SNX27: variants seen among roughly 807,000 people sequenced by gnomAD.
The protein encoded by SNX27 is sorting nexin-27.
Under a neutral mutation model 71.6 loss-of-function variants are expected in SNX27, and 22 were observed. That is an observed-to-expected ratio of 0.31 (90% CI 0.22 to 0.44). The LOEUF is 0.44. Ranked by LOEUF, SNX27 falls within the 20% of genes least tolerant of loss-of-function variation. The probability of loss-of-function intolerance (pLI) is 1.00; values close to 1 mark genes in which losing one functional copy is unlikely to be tolerated. For missense variants in SNX27, 531 were observed against 698.6 expected (o/e 0.76, Z 2.70); for synonymous variants, 269 against 277.2 (o/e 0.97, Z 0.29).
chr1:151,678,432 G>A (rs191915483), intron 7 of SNX27: 1 of 152,104 alleles, frequency 6.6e-6, no homozygotes, highest in Admixed American at 6.5e-5. Flanking sequence ...TATATAACAG[G>A]GTTTCCTTCC....
In SNX27 at chr1:151,683,295, G is replaced by A. The variant is rs903693358; in HGVS notation, c.1150-61G>A. ...AAATGCGTCTGTGTCTGTTTTCATCGAGAATGTACATAATAATGATTTTTA... is the reference window on the plus strand; with the variant it reads ...AAATGCGTCTGTGTCTGTTTTCATCAAGAATGTACATAATAATGATTTTTA... On this transcript the variant is annotated intron_variant, in intron 7 of 11. Coordinates refer to ENST00000458013, the MANE Select transcript of SNX27 (RefSeq NM_001330723.2). 1.3e-5 allele frequency: 18 copies of A among 1,363,170 alleles called. No homozygotes were observed. The East Asian group carries it at 1.6e-4, about 12-fold the overall frequency. 84.4% of individuals were successfully genotyped at this position (1,363,170 alleles called of 1,614,324 possible).
intron 7 of SNX27, among the ~76,000 whole-genome samples, chr1:151,670,886 G>A (rs1038088595): frequency 5.9e-5 from 9 of 151,988 alleles, no homozygotes; most frequent in Admixed American, 2.0e-4. Context: ...GAGTTTCCCT[G>A]ATTTTTTCTT....
At chr1:151,655,373 T>C (rs1669635346) in intron 2 of SNX27, among the ~76,000 whole-genome samples, 1 of 152,228 alleles carries the variant, frequency 6.6e-6, no homozygotes, top group Admixed American at 6.5e-5. Context: ...TGCTCCCGGC[T>C]GATAATAGTT....
chr1:151,662,450 G>A (rs756593928), intron 5 of SNX27, 180 bp downstream of exon 5: 9 of 401,312 alleles, frequency 2.2e-5, no homozygotes, highest in Middle Eastern at 7.5e-4. Context: ...AGAAAGGTAC[G>A]GTAAATATCC....
chr1:151,693,997 T>C, intron 11 of SNX27: 1 of 1,221,310 alleles, frequency 8.2e-7, no homozygotes, highest in South Asian at 2.8e-5. Flanking sequence ...AGAAAATCTT[T>C]GAAAGAATCA....
At position 151,686,952 on chromosome 1, in the gene SNX27, T is replaced by C. The variant is rs189771686; in HGVS notation, c.1239+3507T>C. Among the ~76,000 whole-genome samples the C allele has an allele frequency of 3.9e-5, 6 of 152,370 alleles. No homozygotes were observed. In the East Asian group the frequency reaches 1.2e-3, roughly 29 times the overall value. On this transcript the variant is annotated intron_variant, in intron 8 of 11. Transcript: ENST00000458013. ...TAAATAAGCTTTGTGTAAGTTCCCC[T>C]GTCCTCCAAATCTTCAAATACAGAA...
intron 7 of SNX27, among the ~76,000 whole-genome samples, chr1:151,673,751 A>G (rs1216267298): frequency 6.6e-6 from 1 of 152,170 alleles, no homozygotes; most frequent in Non-Finnish European, 1.5e-5. Context: ...AAATTGTTAC[A>G]TCCTCTTGCT....
At position 151,612,270 on chromosome 1, in the gene SNX27, CG is replaced by C; in HGVS notation, c.75del (p.Ser26LeufsTer36). On this transcript the variant is annotated frameshift_variant, in exon 1 of 12. Coordinates refer to ENST00000458013, the MANE Select transcript of SNX27 (RefSeq NM_001330723.2). LOFTEE classifies it high-confidence loss of function. The surrounding 1 kb of genome is among the most constrained non-coding windows in gnomAD (Gnocchi z 5.2). Reference protein sequence around the residue: ...PHRNGGGGGGGGSGLHCAGNG... With the variant: ...PHRNGGGGGGXGSGLHCAGNG... ...ACAGGAACGGAGGTGGCGGCGGCGG[CG>C]GGGGGTCTGGGCTCCACTGCGCCGG... The C allele has an allele frequency of 9.7e-6, 14 of 1,450,170 alleles. No homozygotes were observed. Among genetic ancestry groups the C allele is most frequent in the Admixed American group, 6.0e-5 (2 of 33,376 alleles). The allele number at this position is 1,450,170 out of a possible 1,614,324, so 89.8% of individuals were successfully genotyped here.
In SNX27 at chr1:151,647,958, G is replaced by A. The variant is rs915476112; in HGVS notation, c.543+8839G>A. ...TGTAAAGGCATTAAGATGTGTGTTT[G>A]TTGAGAAAAAATAAATTTGTGCATT... On this transcript the variant is annotated intron_variant, in intron 2 of 11. Transcript: ENST00000458013. 5.3e-5 allele frequency among the ~76,000 whole-genome samples: 8 copies of A among 151,794 alleles called. No homozygotes were observed. In the East Asian group the frequency reaches 1.5e-3, roughly 29 times the overall value.
intron 2 of SNX27, among the ~76,000 whole-genome samples, chr1:151,641,440 C>T (rs185241278): frequency 5.3e-5 from 8 of 151,600 alleles, no homozygotes; most frequent in Admixed American, 5.3e-4. Flanking sequence ...CCTAATGACT[C>T]ATGATGATGA....
rs1469834377 is a variant in SNX27 at position 151,697,107 on chromosome 1, A to T, written c.*2690A>T. 9 of 152,232 alleles carry T rather than the reference A, an allele frequency of 5.9e-5. No homozygotes were observed. Among genetic ancestry groups the T allele is most frequent in the African/African-American group, 2.2e-4 (9 of 41,450 alleles). 9.4% of individuals were successfully genotyped at this position (152,232 alleles called of 1,614,324 possible). A position where few individuals can be genotyped will look rare whatever the true frequency, so the allele number is the denominator to read the frequency against. On this transcript the variant is annotated 3_prime_UTR_variant, in exon 12 of 12. Transcript: ENST00000458013. ...GAGAATGCTGAATGTGTAAAGTTGC[A>T]GAGGGATCCCTAATTTGAAGACTTT... is the stretch of plus-strand genomic sequence containing the variant.
At chr1:151,643,308 ATTTT>A (rs1467561304) in intron 2 of SNX27, among the ~76,000 whole-genome samples, 1 of 145,872 alleles carries the variant, frequency 6.9e-6, no homozygotes, top group Non-Finnish European at 1.5e-5. Flanking sequence ...TTATTTATTT[ATTTT>A]GAGACGGAGT....
At position 151,668,339 on chromosome 1, in the gene SNX27, ACTC is replaced by A. The variant is rs908095284; in HGVS notation, c.986-130_986-128del. Reference sequence around the variant, plus strand: ...GGCTGTTTTGTGCTCCCAAGGCAGAACTCCTTGGTGGATTTGAGATGATGTTCT... The same window carrying A: ...GGCTGTTTTGTGCTCCCAAGGCAGAACTTGGTGGATTTGAGATGATGTTCT... On this transcript the variant is annotated intron_variant, in intron 6 of 11. Transcript: ENST00000458013. 23 of 792,970 alleles carry A rather than the reference ACTC, an allele frequency of 2.9e-5. No homozygotes were observed. The African/African-American group carries it at 4.1e-4, about 14-fold the overall frequency. 49.1% of individuals were successfully genotyped at this position (792,970 alleles called of 1,614,324 possible).
At chr1:151,673,148 T>C (rs1258603490) in intron 7 of SNX27, among the ~76,000 whole-genome samples, 1 of 152,034 alleles carries the variant, frequency 6.6e-6, no homozygotes, top group Non-Finnish European at 1.5e-5. Flanking sequence ...ATCCCATAGG[T>C]TTTGGCATGT....
intron 7 of SNX27, among the ~76,000 whole-genome samples, chr1:151,681,786 T>C (rs1231760573): frequency 6.6e-6 from 1 of 152,192 alleles, no homozygotes; most frequent in East Asian, 1.9e-4. Flanking sequence ...GTGCCTACTT[T>C]TTAGGATTTT....
At position 151,694,182 on chromosome 1, in the gene SNX27, C is replaced by T. The variant is rs1217620515; in HGVS notation, c.1579-188C>T. On this transcript the variant is annotated intron_variant, in intron 11 of 11. Coordinates refer to ENST00000458013, the MANE Select transcript of SNX27 (RefSeq NM_001330723.2). ...TCTGTGAAACAGGAAGACTGAACCACGTAATTAATATCCAAGGTCCCTTCC... is the reference window on the plus strand; with the variant it reads ...TCTGTGAAACAGGAAGACTGAACCATGTAATTAATATCCAAGGTCCCTTCC... 1.3e-5 allele frequency: 17 copies of T among 1,359,900 alleles called. No homozygotes were observed. In the East Asian group the frequency reaches 3.6e-4, roughly 29 times the overall value. 84.2% of individuals were successfully genotyped at this position (1,359,900 alleles called of 1,614,324 possible).
intron 1 of SNX27, among the ~76,000 whole-genome samples, chr1:151,617,331 T>G (rs1667466321): frequency 6.6e-6 from 1 of 152,220 alleles, no homozygotes; most frequent in Admixed American, 6.5e-5. Flanking sequence ...CAGGCTGGAG[T>G]GCAGTGGTGC....
At chr1:151,618,833 C>A (rs1253273200) in intron 1 of SNX27, among the ~76,000 whole-genome samples, 1 of 152,152 alleles carries the variant, frequency 6.6e-6, no homozygotes, top group Non-Finnish European at 1.5e-5. Flanking sequence ...TTCTTTTCTT[C>A]CACCTCAGCT....
At chr1:151,623,300 T>C (rs932050018) in intron 1 of SNX27, among the ~76,000 whole-genome samples, 1 of 152,100 alleles carries the variant, frequency 6.6e-6, no homozygotes, top group Admixed American at 6.5e-5. Context: ...GCCACCATAC[T>C]TGGCTAATTT....
Sources: gnomAD v4.1 joint callset for allele counts (sites outside exome capture counted in the v4.1 genomes callset) on GRCh38, gnomAD v4.1.1 for gene constraint, Gnocchi (gnomAD v3.1) non-coding constraint, MANE v1.5 for transcripts, NCBI Gene and HGNC (gene_info 2026-07-23, HGNC 2026-07-21) for gene names.